HPS4: variants seen among roughly 807,000 people sequenced by gnomAD.
HPS4 encodes HPS4 biogenesis of lysosomal organelles complex 3 subunit 2.
Under a neutral mutation model 70.3 loss-of-function variants are expected in HPS4, and 44 were observed. The observed-to-expected ratio is 0.63, with a 90% CI of 0.49 to 0.80. The LOEUF (loss-of-function observed/expected upper bound fraction) is 0.80. Among genes scored for constraint, HPS4 ranks in the 30% least tolerant of loss-of-function variants. The pLI is 0.00. For missense variants in HPS4, 873 were observed against 884.4 expected (o/e 0.99, Z 0.16); for synonymous variants, 377 against 355.9 (o/e 1.06, Z -0.67).
intron 4 of HPS4, chr22:26,475,349 T>C (rs981861453): frequency 6.2e-5 from 3 of 48,526 alleles, no homozygotes; most frequent in African/African-American, 1.8e-4. Context: ...TTAAATTTCT[T>C]TTTTTTTTTT....
Position 26,458,141 on chromosome 22 carries a change from T to C in HPS4, c.1847-174A>G, listed in dbSNP as rs570066049. 3.3e-5 allele frequency among the ~76,000 whole-genome samples: 5 copies of C among 152,394 alleles called. No individual in the cohort carries two copies. In the East Asian group the frequency reaches 7.7e-4, roughly 24 times the overall value. Reference sequence around the variant, plus strand: ...GGCTTCGGCTGCCGCCGCTGTGCGATGCAGCACCCGGTTTCTGCGTGTGGA... The same window carrying C: ...GGCTTCGGCTGCCGCCGCTGTGCGACGCAGCACCCGGTTTCTGCGTGTGGA... On this transcript the variant is annotated intron_variant, in intron 12 of 13. Transcript: ENST00000398145.
Position 26,453,317 on chromosome 22 carries a change from G to A in HPS4, c.2043C>T (p.Gly681=). 1.9e-6 allele frequency: 3 copies of A among 1,614,210 alleles called. No individual in the cohort carries two copies. Among genetic ancestry groups the A allele is most frequent in the Non-Finnish European group, 2.5e-6 (3 of 1,180,038 alleles). ...QQLAPAARSS[G]FPNPQDGAFS... is the part of the protein sequence containing the mutation. ...AGGCGCCATCCTGAGGGTTTGGGAA[G>A]CCGGAGCTCCGTGCTGCAGGTGCCA... Residue 681 remains glycine, a synonymous_variant, in exon 14 of 14, where the codon GGC becomes GGT. Coordinates refer to ENST00000398145, the MANE Select transcript of HPS4 (RefSeq NM_022081.6).
In HPS4 at chr22:26,464,335, T is replaced by G. The variant is rs779849991; in HGVS notation, c.1295A>C (p.Glu432Ala). 4 of 1,614,094 alleles carry G rather than the reference T, an allele frequency of 2.5e-6. No individual in the cohort carries two copies. Among genetic ancestry groups the G allele is most frequent in the Non-Finnish European group, 3.4e-6 (4 of 1,180,026 alleles). Reference sequence around the variant, plus strand: ...TTGGGCTCCATGCTGGGTCAGCATCTCAGGAGCAGAGGGAGGGCGCAAGCT... The same window carrying G: ...TTGGGCTCCATGCTGGGTCAGCATCGCAGGAGCAGAGGGAGGGCGCAAGCT... The part of the protein sequence containing the change: ...ISSLRPPSAP[E>A]MLTQHGAQEQ... Residue 432 changes from glutamate to alanine, a missense_variant, in exon 11 of 14, where the codon GAG becomes GCG. Coordinates refer to ENST00000398145, the MANE Select transcript of HPS4 (RefSeq NM_022081.6).
intron 2 of HPS4, among the ~76,000 whole-genome samples, chr22:26,480,542 T>A (rs1251312031): frequency 6.6e-6 from 1 of 152,050 alleles, no homozygotes; most frequent in East Asian, 1.9e-4. Flanking sequence ...ATGGGACCAA[T>A]GTGTCATCTG....
intron 13 of HPS4, 133 bp from the exon 14 acceptor site, chr22:26,453,537 G>A (rs1013096474): frequency 3.2e-5 from 29 of 904,532 alleles, no homozygotes; most frequent in African/African-American, 8.2e-5. Flanking sequence ...GTCATGGCAC[G>A]GAATTCTATT....
chr22:26,468,343 C>T, intron 8 of HPS4: 1 of 601,154 alleles, frequency 1.7e-6, no homozygotes, highest in Non-Finnish European at 3.0e-6. Flanking sequence ...AACAACTATC[C>T]AGGCCTAGCT....
intron 11 of HPS4, among the ~76,000 whole-genome samples, chr22:26,462,868 G>C (rs2285214): frequency 3.9e-5 from 6 of 152,208 alleles, no homozygotes; most frequent in African/African-American, 1.4e-4. Context: ...AGCGTCTGTG[G>C]AAAGGGCACA....
In HPS4 at chr22:26,471,899, A is replaced by C. The variant is rs535244359; in HGVS notation, c.501+403T>G. Among the ~76,000 whole-genome samples, 232 of 152,292 alleles carry C rather than the reference A, an allele frequency of 1.5e-3. 1 individual carries two copies. Among genetic ancestry groups the C allele is most frequent in the African/African-American group, 5.2e-3 (216 of 41,550 alleles). On this transcript the variant is annotated intron_variant, in intron 6 of 13. Coordinates refer to ENST00000398145, the MANE Select transcript of HPS4 (RefSeq NM_022081.6). Reference sequence around the variant, plus strand: ...AACAGTTCCCAACCATTCTCTCTCAAAGACAGCAACCTTGTTTTTGAAATG... The same window carrying C: ...AACAGTTCCCAACCATTCTCTCTCACAGACAGCAACCTTGTTTTTGAAATG...
chr22:26,479,514 G>A lies in HPS4; in HGVS notation c.42-159C>T, dbSNP rs528645886. 12 of 1,441,206 alleles carry A rather than the reference G, an allele frequency of 8.3e-6. No homozygotes were observed. The East Asian group carries it at 2.8e-4, about 33-fold the overall frequency. 89.3% of individuals were successfully genotyped at this position (1,441,206 alleles called of 1,614,324 possible). On this transcript the variant is annotated intron_variant, in intron 2 of 13. Transcript: ENST00000398145. ...AAAGAACCCCAGTAGCTACAAATTA[G>A]ATAAAACCATTCTGTAAGCGCAGGA...
At chr22:26,472,263 T>G in intron 6 of HPS4, 39 bp downstream of exon 6, 1 of 1,181,894 alleles carries the variant, frequency 8.5e-7, no homozygotes, top group Non-Finnish European at 1.3e-6. Flanking sequence ...GAAGCCCTAG[T>G]CTTACATATA....
chr22:26,470,728 T>A lies in HPS4; in HGVS notation c.587A>T (p.Tyr196Phe). The A allele has an allele frequency of 6.2e-7, 1 of 1,613,932 alleles. No individual in the cohort carries two copies. Residue 196 changes from tyrosine to phenylalanine, a missense_variant, in exon 7 of 14, where the codon TAT becomes TTT. By Grantham distance (22) the Tyr-to-Phe change is conservative (BLOSUM62 3). Coordinates refer to ENST00000398145, the MANE Select transcript of HPS4 (RefSeq NM_022081.6). ...GTCTGGAGTTACTCACAGTCCTTTA[T>A]AGAGGATGCAGCCAGCGAGAATGTG... Reference protein sequence around the residue: ...SPHILAGCILYKGLIVSTQLP... With the variant: ...SPHILAGCILFKGLIVSTQLP...
At chr22:26,454,885 G>GA (rs2085815851) in intron 13 of HPS4, among the ~76,000 whole-genome samples, 1 of 151,520 alleles carries the variant, frequency 6.6e-6, no homozygotes, top group African/African-American at 2.4e-5. Context: ...AAATTTACAA[G>GA]AAAAAAACAA....
rs1237695368 is a variant in HPS4, at chr22:26,468,559, G to C, written c.661C>G (p.Gln221Glu). Residue 221 changes from glutamine (Q) to glutamate (E), a missense_variant, in exon 8 of 14, where the codon CAG becomes GAG. Transcript: ENST00000398145. ...GGTGGACTTTACAATACCTGCTCCTGAGGTGCTGTTCGGTGAAGCAGGACC... is the reference window on the plus strand; with the variant it reads ...GGTGGACTTTACAATACCTGCTCCTCAGGTGCTGTTCGGTGAAGCAGGACC... ...AKVLLHRTAPQEQRLPTGEDA... is the reference protein window; with the variant it reads ...AKVLLHRTAPEEQRLPTGEDA... 6.2e-7 allele frequency: 1 copy of C among 1,613,776 alleles called. No homozygotes were observed. Among genetic ancestry groups the C allele is most frequent in the Non-Finnish European group, 8.5e-7 (1 of 1,179,756 alleles).
downstream of HPS4, among the ~76,000 whole-genome samples, chr22:26,448,391 C>T (rs1412480193): frequency 6.6e-6 from 1 of 152,262 alleles, no homozygotes; most frequent in Admixed American, 6.5e-5. Context: ...ACCCAGCTGT[C>T]TGACACCAAA....
chr22:26,459,163 G>A (rs550898926), intron 11 of HPS4, among the ~76,000 whole-genome samples: 63 of 152,238 alleles, frequency 4.1e-4, no homozygotes, highest in Non-Finnish European at 6.0e-4. Context: ...GATGTAACAC[G>A]GTAACTTCTC....
chr22:26,463,781 G>C, intron 11 of HPS4, 136 bp downstream of exon 11: 1 of 923,412 alleles, frequency 1.1e-6, no homozygotes, highest in South Asian at 1.5e-5. Context: ...GTCTAAACAA[G>C]AACGTCTTGC....
At chr22:26,466,513 C>T (rs1182311608) in intron 8 of HPS4, 4 of 596,230 alleles carry the variant, frequency 6.7e-6, no homozygotes, top group South Asian at 1.9e-5. Flanking sequence ...AAACTCACAT[C>T]ACACTCTACG....
At chr22:26,466,303 A>G in intron 8 of HPS4, 41 bp from the exon 9 acceptor site, 9 of 1,609,540 alleles carry the variant, frequency 5.6e-6, no homozygotes, top group Non-Finnish European at 7.7e-6. Flanking sequence ...TGGGCACCAC[A>G]TTCTCCTCTT....
At position 26,470,733 on chromosome 22, in the gene HPS4, G is replaced by C. The variant is rs773284328; in HGVS notation, c.582C>G (p.Ile194Met). 1 of 1,614,036 alleles carries C rather than the reference G, an allele frequency of 6.2e-7. No homozygotes were observed. The highest frequency in any genetic ancestry group is 8.5e-7 in the Non-Finnish European group (1 of 1,180,006). Residue 194 changes from isoleucine to methionine, a missense_variant, in exon 7 of 14, where the codon ATC becomes ATG. Coordinates refer to ENST00000398145, the MANE Select transcript of HPS4 (RefSeq NM_022081.6). Reference protein sequence around the residue: ...QRSPHILAGCILYKGLIVSTQ... With the variant: ...QRSPHILAGCMLYKGLIVSTQ... The stretch of plus-strand genomic sequence containing the variant: ...GAGTTACTCACAGTCCTTTATAGAG[G>C]ATGCAGCCAGCGAGAATGTGAGGCG...
Sources: gnomAD v4.1 joint callset for allele counts (sites outside exome capture counted in the v4.1 genomes callset) on GRCh38, gnomAD v4.1.1 for gene constraint, MANE v1.5 for transcripts, NCBI Gene and HGNC (gene_info 2026-07-23, HGNC 2026-07-21) for gene names.